The following TSPAN1 variants were observed in gnomAD, a reference collection of about 807,000 sequenced individuals.
The protein encoded by TSPAN1 is tetraspanin 1.
TSPAN1 carries 23 observed loss-of-function variants against 26.9 expected under a neutral mutation model. The observed-to-expected ratio is 0.85, with a 90% confidence interval of 0.62 to 1.21. TSPAN1 has a LOEUF of 1.21. TSPAN1 is among the 50% of genes most tolerant of loss of function. The probability of loss-of-function intolerance (pLI) is 0.00; values close to 1 mark genes in which losing one functional copy is unlikely to be tolerated. For synonymous variants in TSPAN1, 115 were observed against 114.8 expected, an observed-to-expected ratio of 1.00 and a Z score of -0.01; for missense variants, 283 against 298.4, an observed-to-expected ratio of 0.95 and a Z score of 0.38.
downstream of TSPAN1, chr1:46,190,333 C>G (rs758594361): frequency 8.5e-7 from 1 of 1,170,348 alleles, no homozygotes; most frequent in Non-Finnish European, 1.3e-6. Flanking sequence ...CGTGAGCCAC[C>G]GCGCCCGGCC....
At chr1:46,184,031 T>C in intron 3 of TSPAN1, 160 bp from the exon 4 acceptor site, 3 of 708,062 alleles carry the variant, frequency 4.2e-6, no homozygotes, top group Non-Finnish European at 7.2e-6. Context: ...CTCCCATTTT[T>C]CTGGCTCTAG....
At chr1:46,180,091 C>T (rs781368904) in intron 1 of TSPAN1, among the ~76,000 whole-genome samples, 4 of 152,106 alleles carry the variant, frequency 2.6e-5, no homozygotes, top group Non-Finnish European at 5.9e-5. Context: ...ATTTAGTGTG[C>T]GTGTGTGCGC....
chr1:46,189,235 A>G (rs1657546272), downstream of TSPAN1: 1 of 1,600,074 alleles, frequency 6.2e-7, no homozygotes, highest in African/African-American at 1.3e-5. Flanking sequence ...CTGGGGGTAC[A>G]CAGTACCCAG....
At chr1:46,181,456 G>C (rs773144312) in intron 3 of TSPAN1, among the ~76,000 whole-genome samples, 1 of 152,208 alleles carries the variant, frequency 6.6e-6, no homozygotes, top group Non-Finnish European at 1.5e-5. Flanking sequence ...AAGCTACCAG[G>C]AATGATTCTC....
In TSPAN1 at chr1:46,184,970, G is replaced by A. The variant is rs1195740157; in HGVS notation, c.449G>A (p.Cys150Tyr). The change falls in exon 7 of 9, where the codon TGT becomes TAT. Residue 150 changes from cysteine (C) to tyrosine (Y), a missense_variant. Transcript: ENST00000372003. ...TCATCTTGTCTCCAGCTCAAGTGCT[G>A]TGGCTTCACCAACTATACGGATTTT... Reference protein sequence around the residue: ...WNTTMKGLKCCGFTNYTDFED... With the variant: ...WNTTMKGLKCYGFTNYTDFED... 6 of 1,614,220 alleles carry A rather than the reference G, an allele frequency of 3.7e-6. No individual in the cohort carries two copies. The highest frequency in any genetic ancestry group is 1.1e-5 in the South Asian group (1 of 91,080).
rs368462173 is a variant in TSPAN1, at chr1:46,185,272, C to T, written c.642C>T (p.Thr214=). Residue 214 remains threonine (T), a synonymous_variant, in exon 8 of 9, where the codon ACC becomes ACT. Transcript: ENST00000372003. The part of the protein sequence containing the change: ...LLYDIRTNAV[T]VGGVAAGIGG... Reference sequence around the variant, plus strand: ...ATGACATCCGAACTAATGCAGTCACCGTGGGTGGTGTGGCAGCTGGAATTG... The same window carrying T: ...ATGACATCCGAACTAATGCAGTCACTGTGGGTGGTGTGGCAGCTGGAATTG... 133 of 1,614,114 alleles carry T rather than the reference C, an allele frequency of 8.2e-5. 1 individual carries two copies. Among genetic ancestry groups the T allele is most frequent in the South Asian group, 6.0e-4 (55 of 91,080 alleles).
the TSPAN1 span, chr1:46,194,264 C>A: frequency 6.2e-7 from 1 of 1,614,174 alleles, no homozygotes; most frequent in South Asian, 1.1e-5. Flanking sequence ...TGTCTTAAGG[C>A]CCCACTCACT....
At chr1:46,194,746 A>G in the TSPAN1 span, 2 of 1,613,726 alleles carry the variant, frequency 1.2e-6, no homozygotes, top group Non-Finnish European at 1.7e-6. Context: ...ACCCACTGCC[A>G]CTGGCTCCTA....
chr1:46,195,992 A>T, the TSPAN1 span: 1 of 1,613,990 alleles, frequency 6.2e-7, no homozygotes, highest in Non-Finnish European at 8.5e-7. Flanking sequence ...CCTCTGGGTC[A>T]CCCACCCCTA....
chr1:46,193,309 GAC>G, the TSPAN1 span: 5 of 1,613,828 alleles, frequency 3.1e-6, no homozygotes, highest in East Asian at 2.2e-5. Context: ...CAGTACCTGA[GAC>G]ACGCGGGCAT....
intron 4 of TSPAN1, 86 bp downstream of exon 4, chr1:46,184,483 G>A (rs1657381508): frequency 2.5e-6 from 4 of 1,607,014 alleles, no homozygotes; most frequent in East Asian, 2.2e-5. Context: ...ACCCTGCTTT[G>A]GACCCCCCTA....
chr1:46,186,488 CTTTTTTTTT>C (rs751253861), downstream of TSPAN1, among the ~76,000 whole-genome samples: 1 of 130,120 alleles, frequency 7.7e-6, no homozygotes, highest in African/African-American at 2.9e-5. Flanking sequence ...CTTTTCTTTT[CTTTTTTTTT>C]TTTTTTTTTT....
chr1:46,195,750 G>A, the TSPAN1 span: 39 of 1,447,206 alleles, frequency 2.7e-5, no homozygotes, highest in Middle Eastern at 2.4e-4. Context: ...CAGAGAAGCC[G>A]GGGCTAGAAG....
rs1175950919 is a variant in TSPAN1 at position 46,185,295 on chromosome 1, T to C, written c.665T>C (p.Ile222Thr). The change falls in exon 8 of 9, where the codon ATT becomes ACT. Residue 222 changes from isoleucine to threonine, a missense_variant. Physicochemically the swap from Ile to Thr is moderately conservative, Grantham distance 89 (BLOSUM62 -1). Coordinates refer to ENST00000372003, the MANE Select transcript of TSPAN1 (RefSeq NM_005727.4). ...AVTVGGVAAGIGGLELAAMIV... is the reference protein window; with the variant it reads ...AVTVGGVAAGTGGLELAAMIV... ...ACCGTGGGTGGTGTGGCAGCTGGAA[T>C]TGGGGGCCTCGAGGTAAGCAGATGA... The C allele has an allele frequency of 1.9e-6, 3 of 1,614,046 alleles. No homozygotes were observed. Among genetic ancestry groups the C allele is most frequent in the Admixed American group, 1.7e-5 (1 of 60,010 alleles).
Position 46,185,011 on chromosome 1 carries a change from T to G in TSPAN1, c.490T>G (p.Phe164Val). Residue 164 changes from phenylalanine (F) to valine (V), a missense_variant, in exon 7 of 9, where the codon TTC becomes GTC. By Grantham distance (50) the Phe-to-Val change is conservative (BLOSUM62 -1). Transcript: ENST00000372003. ...NYTDFEDSPY[F>V]KENSAFPPFC... is the part of the protein sequence containing the mutation. Reference sequence around the variant, plus strand: ...TACGGATTTTGAGGACTCACCCTACTTCAAAGAGAACAGTGCCTTTCCCCC... The same window carrying G: ...TACGGATTTTGAGGACTCACCCTACGTCAAAGAGAACAGTGCCTTTCCCCC... 1.2e-6 allele frequency: 2 copies of G among 1,614,144 alleles called. No homozygotes were observed. Among genetic ancestry groups the G allele is most frequent in the East Asian group, 2.2e-5 (1 of 44,880 alleles).
At chr1:46,195,013 TG>T in the TSPAN1 span, 1 of 1,555,770 alleles carries the variant, frequency 6.4e-7, no homozygotes. Flanking sequence ...CCAGGAGACC[TG>T]GCCTCACAGA....
At chr1:46,181,253 C>A in intron 3 of TSPAN1, 89 bp downstream of exon 3, 3 of 1,332,358 alleles carry the variant, frequency 2.3e-6, no homozygotes, top group South Asian at 1.3e-5. Flanking sequence ...TGGGAGACTG[C>A]TATGCCCAGG....
downstream of TSPAN1, chr1:46,190,763 T>C (rs764394085): frequency 1.2e-5 from 20 of 1,613,822 alleles, no homozygotes; most frequent in Middle Eastern, 1.6e-4. Context: ...GTGTTGAACT[T>C]GTGCTTCTTG....
intron 3 of TSPAN1, 53 bp from the exon 4 acceptor site, chr1:46,184,138 A>G: frequency 6.3e-7 from 1 of 1,580,812 alleles, no homozygotes; most frequent in Non-Finnish European, 8.7e-7. Flanking sequence ...GCTGTGTGGT[A>G]GTAAGCTACT....
Sources: allele counts gnomAD v4.1 joint callset (sites outside exome capture counted in the v4.1 genomes callset), GRCh38; gene constraint gnomAD v4.1.1; transcripts MANE v1.5; gene names NCBI Gene and HGNC (gene_info 2026-07-23, HGNC 2026-07-21).